The following FYB2 variants were observed in gnomAD, a reference collection of about 807,000 sequenced individuals.
FYB2 encodes FYN-binding protein 2.
FYB2 carries 103 observed loss-of-function variants against 94.1 expected under a neutral mutation model. The ratio of observed to expected loss-of-function variants is 1.09; its 90% confidence interval spans 0.93 to 1.29. The LOEUF (loss-of-function observed/expected upper bound fraction) is 1.29, where lower values mean the gene tolerates loss of function less well. Among genes scored for constraint, FYB2 ranks in the 50% most tolerant of loss-of-function variants. The pLI, the probability that FYB2 is intolerant of heterozygous loss-of-function variation, is 0.00. For missense variants in FYB2, 896 were observed against 841.5 expected (o/e 1.06, Z -0.80); for synonymous variants, 293 against 287.9 (o/e 1.02, Z -0.18).
At chr1:56,740,539 CA>C (rs1644927619) in intron 13 of FYB2, among the ~76,000 whole-genome samples, 157 bp downstream of exon 13, 1 of 151,992 alleles carries the variant, frequency 6.6e-6, no homozygotes, top group Admixed American at 6.6e-5. Context: ...GCATGTAGTT[CA>C]ATCAAAAATT....
intron 16 of FYB2, 72 bp from the exon 17 acceptor site, chr1:56,723,753 C>T: frequency 5.0e-6 from 4 of 801,346 alleles, no homozygotes; most frequent in South Asian, 5.0e-5. Flanking sequence ...CCTACGAAGT[C>T]ACTTCATTTC....
At chr1:56,719,990 C>G (rs1644454910) in intron 19 of FYB2, 32 bp downstream of exon 19, 1 of 1,554,420 alleles carries the variant, frequency 6.4e-7, no homozygotes. Flanking sequence ...ATTAGGAACT[C>G]ATGATTTAAA....
chr1:56,788,862 TG>T (rs1557649809), intron 3 of FYB2, 110 bp downstream of exon 3: 2 of 1,431,654 alleles, frequency 1.4e-6, no homozygotes, highest in Admixed American at 3.4e-5. Context: ...TAAGCAGTGA[TG>T]GATGTCCAGC....
intron 15 of FYB2, among the ~76,000 whole-genome samples, chr1:56,735,539 T>C (rs1032864066): frequency 1.6e-4 from 24 of 152,130 alleles, no homozygotes; most frequent in Non-Finnish European, 1.5e-5. Flanking sequence ...TCTATACCAC[T>C]GATATGGTCA....
At chr1:56,820,613 A>G (rs1394599573), upstream of FYB2, among the ~76,000 whole-genome samples, 1 of 152,210 alleles carries the variant, frequency 6.6e-6, no homozygotes, top group African/African-American at 2.4e-5. Flanking sequence ...CATTTCCTCT[A>G]ACAGGTGATT....
intron 4 of FYB2, among the ~76,000 whole-genome samples, chr1:56,778,447 A>G (rs994532090): frequency 6.6e-6 from 1 of 152,142 alleles, no homozygotes; most frequent in Non-Finnish European, 1.5e-5. Context: ...CCAGTTAGCA[A>G]CTGGTTTTTT....
chr1:56,795,636 C>T, intron 1 of FYB2, among the ~76,000 whole-genome samples: 1 of 136,062 alleles, frequency 7.3e-6, no homozygotes, highest in Non-Finnish European at 1.6e-5. Context: ...TCTTCACCAA[C>T]ACTTTTTTTT....
rs141247528 is a variant in FYB2 at position 56,818,108 on chromosome 1, G to A, written c.9+1174C>T. Among the ~76,000 whole-genome samples the A allele has an allele frequency of 5.3e-3, 803 of 152,186 alleles. 10 individuals are homozygous for A. Among genetic ancestry groups the A allele is most frequent in the African/African-American group, 0.015 (607 of 41,524 alleles). On this transcript the variant is annotated intron_variant, in intron 1 of 19. Transcript: ENST00000343433. ...GTCAGTTTCCTTTTCTTACAAGCAC[G>A]CTAAATCTATTCAGCCTGGCACTTT...
At chr1:56,726,011 G>C (rs1458679608) in intron 16 of FYB2, among the ~76,000 whole-genome samples, 1 of 151,996 alleles carries the variant, frequency 6.6e-6, no homozygotes, top group African/African-American at 2.4e-5. Context: ...ATGAATGCAG[G>C]TTAGATCTTG....
At chr1:56,814,469 G>A (rs912578772) in intron 1 of FYB2, among the ~76,000 whole-genome samples, 1 of 152,184 alleles carries the variant, frequency 6.6e-6, no homozygotes, top group African/African-American at 2.4e-5. Context: ...TGCTGCATAA[G>A]GCTGGCTGAA....
chr1:56,774,895 G>A (rs961623226), intron 4 of FYB2, among the ~76,000 whole-genome samples: 7 of 152,054 alleles, frequency 4.6e-5, no homozygotes, highest in Non-Finnish European at 1.0e-4. Flanking sequence ...GATGCTTCCT[G>A]CCCTCAAACA....
chr1:56,765,104 T>G (rs992879311), intron 5 of FYB2, among the ~76,000 whole-genome samples: 2 of 152,198 alleles, frequency 1.3e-5, no homozygotes, highest in African/African-American at 4.8e-5. Flanking sequence ...ACCTCATCAC[T>G]GCTGGGCAGA....
At chr1:56,813,879 C>T (rs995772738) in intron 1 of FYB2, among the ~76,000 whole-genome samples, 1 of 152,166 alleles carries the variant, frequency 6.6e-6, no homozygotes, top group African/African-American at 2.4e-5. Flanking sequence ...CAACACTGAA[C>T]AACTAGTAAA....
chr1:56,770,270 T>C (rs972390066), intron 4 of FYB2, among the ~76,000 whole-genome samples: 1 of 152,120 alleles, frequency 6.6e-6, no homozygotes, highest in South Asian at 2.1e-4. Context: ...ATTAAAGAAC[T>C]TTTATCAGTA....
At chr1:56,807,988 A>T (rs1267699825) in intron 1 of FYB2, among the ~76,000 whole-genome samples, 4 of 152,276 alleles carry the variant, frequency 2.6e-5, no homozygotes, top group East Asian at 1.9e-4. Flanking sequence ...GCTACTTATG[A>T]TTATTATTGC....
At chr1:56,765,172 G>A (rs1420197000) in intron 5 of FYB2, among the ~76,000 whole-genome samples, 2 of 152,200 alleles carry the variant, frequency 1.3e-5, no homozygotes, top group Non-Finnish European at 2.9e-5. Context: ...TAGCTGGAAA[G>A]AGTAGGAGTG....
chr1:56,814,200 G>A (rs529519612), intron 1 of FYB2, among the ~76,000 whole-genome samples: 1 of 152,206 alleles, frequency 6.6e-6, no homozygotes, highest in African/African-American at 2.4e-5. Flanking sequence ...TGAGGGATGT[G>A]GTGCGGGTGA....
chr1:56,802,673 G>A lies in FYB2; in HGVS notation c.10-9870C>T, dbSNP rs138981577. Reference sequence around the variant, plus strand: ...CCTTCAAAGGTTTAGGGACTTCAAAGCCTTCTTTCAATGAAGTAATGAAGA... The same window carrying A: ...CCTTCAAAGGTTTAGGGACTTCAAAACCTTCTTTCAATGAAGTAATGAAGA... On this transcript the variant is annotated intron_variant, in intron 1 of 19. Coordinates refer to ENST00000343433, the MANE Select transcript of FYB2 (RefSeq NM_001004303.5). Among the ~76,000 whole-genome samples, 577 of 152,296 alleles carry A rather than the reference G, an allele frequency of 3.8e-3. 2 individuals carry two copies. The highest frequency in any genetic ancestry group is 0.024 in the Middle Eastern group (7 of 294).
rs151125886 is a variant in FYB2, at chr1:56,781,811, C to A, written c.953+5364G>T. Among the ~76,000 whole-genome samples, 1,153 of 152,268 alleles carry A rather than the reference C, an allele frequency of 7.6e-3. 10 individuals are homozygous for A. The highest frequency in any genetic ancestry group is 0.026 in the African/African-American group (1,093 of 41,538). On this transcript the variant is annotated intron_variant, in intron 4 of 19. Coordinates refer to ENST00000343433, the MANE Select transcript of FYB2 (RefSeq NM_001004303.5). ...CCACCTCCATTTCCTGAGCTCACTG[C>A]ACTTTAGCCAAGATTCCAACCCCTT...
Sources: gnomAD v4.1 joint callset for allele counts (sites outside exome capture counted in the v4.1 genomes callset) on GRCh38, gnomAD v4.1.1 for gene constraint, MANE v1.5 for transcripts, NCBI Gene and HGNC (gene_info 2026-07-23, HGNC 2026-07-21) for gene names.